Variants in PGRMC1 observed in about 807,000 individuals in gnomAD.
The protein encoded by PGRMC1 is membrane-associated progesterone receptor component 1.
For synonymous variants in PGRMC1, 73 were observed against 77.3 expected, an observed-to-expected ratio of 0.94 and a Z score of 0.29; for missense variants, 145 against 169.0, an observed-to-expected ratio of 0.86 and a Z score of 0.79.
intron 1 of PGRMC1, among the ~76,000 whole-genome samples, chrX:119,239,137 C>T (rs1392296613): frequency 1.8e-5 from 2 of 112,076 alleles, no homozygotes; most frequent in Non-Finnish European, 3.8e-5. Context: ...CAAACCATTG[C>T]ATTTGCCTAT....
rs184661520 is a variant in PGRMC1 at position 119,236,478 on chromosome X, A to G, written c.115A>G (p.Ile39Val). The change falls in exon 1 of 3, where the codon ATC (isoleucine) becomes GTC (valine). Residue 39 changes from isoleucine to valine, a missense_variant. Transcript: ENST00000217971. ...CAACCTGCTGCTGCTTGGCCTCTGCATCTTCCTGCTCTACAAGATCGTGCG... is the reference window on the plus strand; with the variant it reads ...CAACCTGCTGCTGCTTGGCCTCTGCGTCTTCCTGCTCTACAAGATCGTGCG... ...PLNLLLLGLC[I>V]FLLYKIVRGD... 1.4e-4 allele frequency: 172 copies of G among 1,208,931 alleles called. No homozygotes were observed. In the East Asian group the frequency reaches 4.8e-3, roughly 34 times the overall value.
At position 119,236,537 on chromosome X, in the gene PGRMC1, C is replaced by T; in HGVS notation, c.174C>T (p.Asp58=). The T allele has an allele frequency of 8.3e-7, 1 of 1,208,780 alleles. No homozygotes were observed. Among genetic ancestry groups the T allele is most frequent in the Non-Finnish European group, 1.1e-6 (1 of 894,229 alleles). ...AGCCGGCGGCCAGCGGCGACAGCGA[C>T]GACGACGAGCCGCCCCCTCTGCCCC... ...GDQPAASGDS[D]DDEPPPLPRL... The change falls in exon 1 of 3, where the codon GAC becomes GAT. Residue 58 remains aspartate (D), a synonymous_variant. Coordinates refer to ENST00000217971, the MANE Select transcript of PGRMC1 (RefSeq NM_006667.5).
At chrX:119,242,901 C>A (rs763739520) in intron 2 of PGRMC1, among the ~76,000 whole-genome samples, 1 of 112,414 alleles carries the variant, frequency 8.9e-6, no homozygotes, top group East Asian at 2.8e-4. Context: ...TACACACAAA[C>A]AATTCATTTT....
At chrX:119,243,006 T>C in intron 2 of PGRMC1, 145 bp from the exon 3 acceptor site, 1 of 510,913 alleles carries the variant, frequency 2.0e-6, no homozygotes, top group South Asian at 2.7e-5. Context: ...AGGACGGTGG[T>C]ATAAACCACC....
rs755550686 is a variant in PGRMC1, at chrX:119,236,550, C to T, written c.187C>T (p.Pro63Ser). 6 of 1,208,309 alleles carry T rather than the reference C, an allele frequency of 5.0e-6. No homozygotes were observed. Among genetic ancestry groups the T allele is most frequent in the Non-Finnish European group, 6.7e-6 (6 of 893,789 alleles). The change falls in exon 1 of 3, where the codon CCC (proline) becomes TCC (serine). Residue 63 changes from proline (P) to serine (S), a missense_variant. Transcript: ENST00000217971. ...ASGDSDDDEP[P>S]PLPRLKRRDF... ...CGGCGACAGCGACGACGACGAGCCG[C>T]CCCCTCTGCCCCGCCTCAAGCGGCG...
chrX:119,244,294 A>G lies in PGRMC1; in HGVS notation c.*1040A>G, dbSNP rs1344668244. 1 of 112,829 alleles carries G rather than the reference A, an allele frequency of 8.9e-6. No individual in the cohort carries two copies. The highest frequency in any genetic ancestry group is 1.9e-5 in the Non-Finnish European group (1 of 53,304). 9.3% of individuals were successfully genotyped at this position (112,829 alleles called of 1,213,427 possible). ...GGTTAACACTAAGCTTAAGTAGACT[A>G]TACAGTTGTATGAATTTGTAAAAGT... On this transcript the variant is annotated 3_prime_UTR_variant, in exon 3 of 3. Coordinates refer to ENST00000217971, the MANE Select transcript of PGRMC1 (RefSeq NM_006667.5).
intron 2 of PGRMC1, among the ~76,000 whole-genome samples, chrX:119,240,969 AT>A (rs1174805552): frequency 3.6e-5 from 4 of 112,302 alleles, no homozygotes; most frequent in Admixed American, 9.4e-5. Context: ...TGGTGTCTGC[AT>A]TTTTAAAAAG....
rs764529334 is a variant in PGRMC1, at chrX:119,240,516, T to C, written c.484+52T>C. ...GTCAAATTTCTACCAGTAATGGGGA[T>C]TCGTGGCAGGACAATAGTTATTACT... is the stretch of plus-strand genomic sequence containing the variant. On this transcript the variant is annotated intron_variant, in intron 2 of 2. Coordinates refer to ENST00000217971, the MANE Select transcript of PGRMC1 (RefSeq NM_006667.5). 3.9e-6 allele frequency: 4 copies of C among 1,030,794 alleles called. No individual in the cohort carries two copies. In the Admixed American group the frequency reaches 8.8e-5, roughly 23 times the overall value. The allele number at this position is 1,030,794 out of a possible 1,213,427, so 84.9% of individuals were successfully genotyped here.
rs1394651100 is a variant in PGRMC1, at chrX:119,242,316, T to G, written c.485-835T>G. Among the ~76,000 whole-genome samples the G allele has an allele frequency of 3.2e-4, 35 of 110,336 alleles. No individual in the cohort carries two copies. The Admixed American group carries it at 3.4e-3, about 11-fold the overall frequency. Reference sequence around the variant, plus strand: ...GGCTCCCTCCACAGAGTTCCCATTTTGGTCCATGGGAGCTCCAATTTTCAC... The same window carrying G: ...GGCTCCCTCCACAGAGTTCCCATTTGGGTCCATGGGAGCTCCAATTTTCAC... On this transcript the variant is annotated intron_variant, in intron 2 of 2. Coordinates refer to ENST00000217971, the MANE Select transcript of PGRMC1 (RefSeq NM_006667.5).
chrX:119,236,559 C>T lies in PGRMC1; in HGVS notation c.196C>T (p.Pro66Ser). ...CGACGACGACGAGCCGCCCCCTCTG[C>T]CCCGCCTCAAGCGGCGCGACTTCAC... ...DSDDDEPPPL[P>S]RLKRRDFTPA... Residue 66 changes from proline (P) to serine (S), a missense_variant, in exon 1 of 3, where the codon CCC becomes TCC. Pro to Ser is a moderately conservative substitution (Grantham distance 74, BLOSUM62 -1). Transcript: ENST00000217971. 1 of 1,208,899 alleles carries T rather than the reference C, an allele frequency of 8.3e-7. No homozygotes were observed. The highest frequency in any genetic ancestry group is 1.8e-5 in the South Asian group (1 of 56,785).
At chrX:119,238,805 T>C (rs929461672) in intron 1 of PGRMC1, among the ~76,000 whole-genome samples, 2 of 112,229 alleles carry the variant, frequency 1.8e-5, no homozygotes, top group Non-Finnish European at 3.8e-5. Context: ...ATGCTTCATG[T>C]TGTAAAGGAT....
At chrX:119,242,918 A>G (rs1254693500) in intron 2 of PGRMC1, among the ~76,000 whole-genome samples, 1 of 112,356 alleles carries the variant, frequency 8.9e-6, no homozygotes, top group Non-Finnish European at 1.9e-5. Flanking sequence ...TTTTGACGTT[A>G]CCTTGCACAC....
rs1930883045 is a variant in PGRMC1, at chrX:119,243,952, A to C, written c.*698A>C. 8.9e-6 allele frequency: 1 copy of C among 111,861 alleles called. No homozygotes were observed. The highest frequency in any genetic ancestry group is 9.4e-5 in the Admixed American group (1 of 10,601). The allele number at this position is 111,861 out of a possible 1,213,427, so 9.2% of individuals were successfully genotyped here. A position where few individuals can be genotyped will look rare whatever the true frequency, so the allele number is the denominator to read the frequency against. On this transcript the variant is annotated 3_prime_UTR_variant, in exon 3 of 3. Coordinates refer to ENST00000217971, the MANE Select transcript of PGRMC1 (RefSeq NM_006667.5). The stretch of plus-strand genomic sequence containing the variant: ...AAAAAAAGAGCTGGCTGGCCTAAAA[A>C]CCTAAATATATGATGAAGATTGTAG...
At chrX:119,243,029 A>C in intron 2 of PGRMC1, 122 bp from the exon 3 acceptor site, 1 of 537,814 alleles carries the variant, frequency 1.9e-6, no homozygotes, top group Non-Finnish European at 3.3e-6. Context: ...TGTATCCTTC[A>C]AGAAGCCCAA....
In PGRMC1 at chrX:119,243,354, T is replaced by G; in HGVS notation, c.*100T>G. On this transcript the variant is annotated 3_prime_UTR_variant, in exon 3 of 3. Coordinates refer to ENST00000217971, the MANE Select transcript of PGRMC1 (RefSeq NM_006667.5). ...TAGTGATTACAATATTTAGAAAGTT[T>G]TGAGCACTTGCTATAAGTTTTTTAA... The G allele has an allele frequency of 1.8e-6, 1 of 549,119 alleles. No individual in the cohort carries two copies. Among genetic ancestry groups the G allele is most frequent in the Non-Finnish European group, 3.2e-6 (1 of 310,794 alleles). 45.3% of individuals were successfully genotyped at this position (549,119 alleles called of 1,213,427 possible). A position where few individuals can be genotyped will look rare whatever the true frequency, so the allele number is the denominator to read the frequency against.
At chrX:119,240,548 C>T in intron 2 of PGRMC1, 84 bp downstream of exon 2, 4 of 818,493 alleles carry the variant, frequency 4.9e-6, no homozygotes, top group South Asian at 2.2e-5. Context: ...TACTAAGCAG[C>T]CTGAAACTTG....
chrX:119,240,451 G>A lies in PGRMC1; in HGVS notation c.471G>A (p.Glu157=), dbSNP rs769425655. 2.5e-6 allele frequency: 3 copies of A among 1,206,116 alleles called. No homozygotes were observed. The Admixed American group carries it at 6.5e-5, about 26-fold the overall frequency. ...AAQQETLSDW[E]SQFTFKYHHV... ...AGCAGGAGACTCTGAGTGACTGGGAGTCTCAGTTCACTTGTAAGCATTTTT... is the reference window on the plus strand; with the variant it reads ...AGCAGGAGACTCTGAGTGACTGGGAATCTCAGTTCACTTGTAAGCATTTTT... Residue 157 remains glutamate, a synonymous_variant, in exon 2 of 3, where the codon GAG becomes GAA. Transcript: ENST00000217971.
At chrX:119,238,501 T>C (rs1397111036) in intron 1 of PGRMC1, among the ~76,000 whole-genome samples, 2 of 112,391 alleles carry the variant, frequency 1.8e-5, no homozygotes, top group Non-Finnish European at 3.8e-5. Flanking sequence ...AATATTGAGC[T>C]CAATATTAAA....
Position 119,243,605 on chromosome X carries a change from C to A in PGRMC1, c.*351C>A. On this transcript the variant is annotated 3_prime_UTR_variant, in exon 3 of 3. Coordinates refer to ENST00000217971, the MANE Select transcript of PGRMC1 (RefSeq NM_006667.5). ...AAAAATCTTAAATGTGCACCAAGAG[C>A]AAAGGATCAACTTTTAGTCATGATG... 4.6e-6 allele frequency: 1 copy of A among 217,737 alleles called. No homozygotes were observed. Among genetic ancestry groups the A allele is most frequent in the Non-Finnish European group, 8.3e-6 (1 of 120,101 alleles). 17.9% of individuals were successfully genotyped at this position (217,737 alleles called of 1,213,427 possible).
Sources: gnomAD v4.1 joint callset for allele counts (sites outside exome capture counted in the v4.1 genomes callset) on GRCh38, gnomAD v4.1.1 for gene constraint, MANE v1.5 for transcripts, NCBI Gene and HGNC (gene_info 2026-07-23, HGNC 2026-07-21) for gene names.